CAMK1D: variants seen among roughly 807,000 people sequenced by gnomAD.
CAMK1D encodes the protein calcium/calmodulin dependent protein kinase ID, also known as calcium/calmodulin-dependent protein kinase type 1D.
Under a neutral mutation model 47.7 loss-of-function variants are expected in CAMK1D, and 9 were observed. The ratio of observed to expected loss-of-function variants is 0.19; its 90% confidence interval spans 0.11 to 0.33. The LOEUF (loss-of-function observed/expected upper bound fraction) is 0.33. Ranked by LOEUF, CAMK1D falls within the 10% of genes least tolerant of loss-of-function variation. The pLI, the probability that CAMK1D is intolerant of heterozygous loss-of-function variation, is 1.00. For synonymous variants in CAMK1D, 184 were observed against 184.9 expected (o/e 0.99, Z 0.04); for missense variants, 291 against 488.7 (o/e 0.60, Z 3.81).
At chr10:12,553,203 T>C (rs1457631561) in intron 1 of CAMK1D, 22 bp from the exon 2 acceptor site, 2 of 1,613,502 alleles carry the variant, frequency 1.2e-6, no homozygotes, top group Admixed American at 3.3e-5. Context: ...CTAAGTGTTC[T>C]TTTTTCCTTC....
intron 3 of CAMK1D, among the ~76,000 whole-genome samples, chr10:12,724,071 C>T (rs1214565044): frequency 1.3e-5 from 2 of 152,212 alleles, no homozygotes; most frequent in African/African-American, 4.8e-5. Context: ...TCACTGCAAC[C>T]TCTACCTCCC....
chr10:12,639,370 A>C (rs1274317752), intron 2 of CAMK1D, among the ~76,000 whole-genome samples: 2 of 152,174 alleles, frequency 1.3e-5, no homozygotes, highest in Non-Finnish European at 2.9e-5. Flanking sequence ...CTGTAATCCC[A>C]GCTACTCGGG....
intron 1 of CAMK1D, among the ~76,000 whole-genome samples, chr10:12,457,283 C>G (rs997985408): frequency 6.6e-6 from 1 of 151,836 alleles, no homozygotes; most frequent in African/African-American, 2.4e-5. Flanking sequence ...CCCAGCTACC[C>G]TGGAGGCTGA....
chr10:12,816,194 T>C (rs1298846524), intron 7 of CAMK1D, 56 bp from the exon 8 acceptor site: 1 of 1,439,688 alleles, frequency 6.9e-7, no homozygotes, highest in Admixed American at 1.7e-5. Context: ...TGGGATCATA[T>C]TGTCACATCT....
rs957606969 is a variant in CAMK1D at position 12,830,717 on chromosome 10, C to G, written c.*1830C>G. On this transcript the variant is annotated 3_prime_UTR_variant, in exon 11 of 11. Transcript: ENST00000619168. ...CTGCAAGTGCCCCTGCTTCAGCTCTCAGGCCCATCCAATGCCTCGAGCCCA... is the reference window on the plus strand; with the variant it reads ...CTGCAAGTGCCCCTGCTTCAGCTCTGAGGCCCATCCAATGCCTCGAGCCCA... 6.6e-6 allele frequency: 1 copy of G among 152,238 alleles called. No individual in the cohort carries two copies. Among genetic ancestry groups the G allele is most frequent in the African/African-American group, 2.4e-5 (1 of 41,446 alleles). 9.4% of individuals were successfully genotyped at this position (152,238 alleles called of 1,614,324 possible).
intron 1 of CAMK1D, among the ~76,000 whole-genome samples, chr10:12,506,663 C>T (rs895445721): frequency 2.6e-5 from 4 of 152,102 alleles, no homozygotes; most frequent in Non-Finnish European, 5.9e-5. Context: ...GGACTACAGG[C>T]GTCCGCCACC....
chr10:12,455,895 C>G (rs1833228521), intron 1 of CAMK1D, among the ~76,000 whole-genome samples: 1 of 152,198 alleles, frequency 6.6e-6, no homozygotes, highest in Non-Finnish European at 1.5e-5. Context: ...AATTTAGTCT[C>G]ATATGACTTG....
chr10:12,720,730 C>G (rs1232042080), intron 3 of CAMK1D, among the ~76,000 whole-genome samples: 1 of 152,174 alleles, frequency 6.6e-6, no homozygotes, highest in Non-Finnish European at 1.5e-5. Flanking sequence ...ATTTTTCCCT[C>G]TCGAATGGCC....
chr10:12,729,696 G>C (rs1834806604), intron 3 of CAMK1D, among the ~76,000 whole-genome samples: 1 of 152,032 alleles, frequency 6.6e-6, no homozygotes, highest in Non-Finnish European at 1.5e-5. Flanking sequence ...GAGGAGGAGG[G>C]ACGGTTAAAC....
intron 3 of CAMK1D, 76 bp from the exon 4 acceptor site, chr10:12,760,871 AT>A (rs1486692858): frequency 4.6e-6 from 7 of 1,524,392 alleles, no homozygotes; most frequent in Non-Finnish European, 6.3e-6. Flanking sequence ...AAAGTTTGGG[AT>A]TTTTTTCACA....
chr10:12,672,108 G>T (rs1588765731), intron 3 of CAMK1D, among the ~76,000 whole-genome samples: 1 of 151,198 alleles, frequency 6.6e-6, no homozygotes, highest in African/African-American at 2.4e-5. Flanking sequence ...GTAGAGATGG[G>T]GTTTCACCAT....
At chr10:12,789,624 C>A (rs1837890009) in intron 5 of CAMK1D, among the ~76,000 whole-genome samples, 2 of 152,230 alleles carry the variant, frequency 1.3e-5, no homozygotes, top group South Asian at 4.1e-4. Flanking sequence ...AAAGGAAGTT[C>A]GTGTAGACGC....
intron 2 of CAMK1D, among the ~76,000 whole-genome samples, chr10:12,640,364 T>A (rs1352922555): frequency 6.6e-6 from 1 of 152,168 alleles, no homozygotes; most frequent in Non-Finnish European, 1.5e-5. Flanking sequence ...ATGAACCATG[T>A]CTGTGCCTAG....
chr10:12,821,004 C>T (rs114439679), intron 8 of CAMK1D, among the ~76,000 whole-genome samples: 171 of 152,300 alleles, frequency 1.1e-3, no homozygotes, highest in African/African-American at 2.1e-3. Context: ...TAAGAAGAGA[C>T]GCTGAGAGAG....
intron 1 of CAMK1D, among the ~76,000 whole-genome samples, chr10:12,446,843 G>A (rs984541158): frequency 2.6e-5 from 4 of 152,178 alleles, no homozygotes; most frequent in Admixed American, 1.3e-4. Flanking sequence ...GATACTGTGT[G>A]CTGTATCTTA....
At chr10:12,448,740 T>C (rs1043855178) in intron 1 of CAMK1D, among the ~76,000 whole-genome samples, 4 of 152,236 alleles carry the variant, frequency 2.6e-5, no homozygotes, top group East Asian at 3.8e-4. Context: ...TTTTGTACTA[T>C]TTTTAAAGAA....
rs540158166 is a variant in CAMK1D at position 12,425,583 on chromosome 10, A to C, written c.92+75673A>C. On this transcript the variant is annotated intron_variant, in intron 1 of 10. Coordinates refer to ENST00000619168, the MANE Select transcript of CAMK1D (RefSeq NM_153498.4). ...AGGCGTGAGCCACCGCCCTCAGCCAAGGTGCCCCTTTGCCTACGCCCTCCA... is the reference window on the plus strand; with the variant it reads ...AGGCGTGAGCCACCGCCCTCAGCCACGGTGCCCCTTTGCCTACGCCCTCCA... Among the ~76,000 whole-genome samples the C allele has an allele frequency of 1.7e-4, 26 of 152,234 alleles. No individual in the cohort carries two copies. In the South Asian group the frequency reaches 3.3e-3, roughly 19 times the overall value.
chr10:12,643,243 C>T (rs1160575684), intron 2 of CAMK1D, among the ~76,000 whole-genome samples: 1 of 152,138 alleles, frequency 6.6e-6, no homozygotes, highest in Admixed American at 6.5e-5. Context: ...CCTCATGATT[C>T]ACCCGCCTCA....
chr10:12,438,226 G>A (rs182492224), intron 1 of CAMK1D, among the ~76,000 whole-genome samples: 9 of 152,320 alleles, frequency 5.9e-5, no homozygotes, highest in Admixed American at 5.9e-4. Flanking sequence ...GGTGTCTGAA[G>A]TCGTGGGTCC....
Sources: gnomAD v4.1 joint callset for allele counts (sites outside exome capture counted in the v4.1 genomes callset) on GRCh38, gnomAD v4.1.1 for gene constraint, MANE v1.5 for transcripts, NCBI Gene and HGNC (gene_info 2026-07-23, HGNC 2026-07-21) for gene names.